DIRAS2: variants seen among roughly 807,000 people sequenced by gnomAD.
DIRAS2 encodes DIRAS family GTPase 2, also known as GTP-binding protein Di-Ras2.
Under a neutral mutation model 13.9 loss-of-function variants are expected in DIRAS2, and 5 were observed. The observed-to-expected ratio is 0.36, with a 90% CI of 0.19 to 0.76. The LOEUF is 0.76. Among genes scored for constraint, DIRAS2 ranks in the 30% least tolerant of loss-of-function variants. The pLI is 0.53. For missense variants in DIRAS2, 191 were observed against 263.0 expected (o/e 0.73, Z 1.89); for synonymous variants, 111 against 105.4 (o/e 1.05, Z -0.33).
chr9:90,628,476 A>G (rs1825292196), intron 1 of DIRAS2, among the ~76,000 whole-genome samples: 1 of 152,052 alleles, frequency 6.6e-6, no homozygotes, highest in Non-Finnish European at 1.5e-5. Context: ...TCCTGTGAGA[A>G]TGTAAAACTG....
chr9:90,617,951 C>T (rs908692887), intron 1 of DIRAS2, among the ~76,000 whole-genome samples: 2 of 152,120 alleles, frequency 1.3e-5, no homozygotes. Flanking sequence ...CACCCCATGT[C>T]ATGTATCAGA....
At chr9:90,614,385 G>T (rs889382941) in intron 1 of DIRAS2, among the ~76,000 whole-genome samples, 21 of 151,422 alleles carry the variant, frequency 1.4e-4, no homozygotes, top group African/African-American at 4.9e-4. Flanking sequence ...ATGAATGAGG[G>T]AAAAGGATGT....
At chr9:90,638,970 A>T (rs888679418) in intron 1 of DIRAS2, among the ~76,000 whole-genome samples, 2 of 152,138 alleles carry the variant, frequency 1.3e-5, no homozygotes, top group Non-Finnish European at 2.9e-5. Context: ...TGATTATCTA[A>T]AGATGGTAAA....
chr9:90,642,068 A>G (rs1825423583), intron 1 of DIRAS2, among the ~76,000 whole-genome samples: 1 of 152,266 alleles, frequency 6.6e-6, no homozygotes, highest in Non-Finnish European at 1.5e-5. Context: ...GCATTTTTCA[A>G]GAGAGAAGGA....
intron 1 of DIRAS2, among the ~76,000 whole-genome samples, chr9:90,632,909 C>T (rs115118107): frequency 6.6e-6 from 1 of 152,228 alleles, no homozygotes; most frequent in African/African-American, 2.4e-5. Context: ...TAGTGCAGAA[C>T]ATGCGGCTAT....
chr9:90,620,794 C>A (rs1825213041), intron 1 of DIRAS2, among the ~76,000 whole-genome samples: 2 of 151,806 alleles, frequency 1.3e-5, no homozygotes, highest in African/African-American at 4.8e-5. Context: ...AAAAATGATA[C>A]ATGCAACAAC....
At chr9:90,617,939 AG>A in intron 1 of DIRAS2, among the ~76,000 whole-genome samples, 1 of 152,328 alleles carries the variant, frequency 6.6e-6, no homozygotes, top group African/African-American at 2.4e-5. Context: ...TAAATGGAAA[AG>A]CACCCCATGT....
intron 1 of DIRAS2, among the ~76,000 whole-genome samples, chr9:90,628,050 T>A (rs1825288753): frequency 6.8e-6 from 1 of 147,154 alleles, no homozygotes; most frequent in Non-Finnish European, 1.5e-5. Flanking sequence ...GAAAAAAAAA[T>A]AGCAAAGGTC....
chr9:90,618,867 A>C (rs1825193351), intron 1 of DIRAS2, among the ~76,000 whole-genome samples: 1 of 152,204 alleles, frequency 6.6e-6, no homozygotes, highest in Non-Finnish European at 1.5e-5. Flanking sequence ...GGAAGTGCAA[A>C]TCAAAACTAT....
At chr9:90,641,134 C>T (rs962764927) in intron 1 of DIRAS2, among the ~76,000 whole-genome samples, 1 of 152,192 alleles carries the variant, frequency 6.6e-6, no homozygotes, top group East Asian at 1.9e-4. Flanking sequence ...CTCCACTCTT[C>T]TCATGAGGAA....
intron 1 of DIRAS2, among the ~76,000 whole-genome samples, chr9:90,619,252 C>T (rs1008828534): frequency 1.3e-5 from 2 of 152,004 alleles, no homozygotes; most frequent in Non-Finnish European, 2.9e-5. Flanking sequence ...CCAGCCTGGC[C>T]AACATGGTGA....
At chr9:90,620,401 A>C (rs769651592) in intron 1 of DIRAS2, among the ~76,000 whole-genome samples, 4 of 152,226 alleles carry the variant, frequency 2.6e-5, no homozygotes, top group Non-Finnish European at 4.4e-5. Flanking sequence ...AAGATGAACA[A>C]ACCCTGAAAT....
At chr9:90,631,554 G>A (rs1000806510) in intron 1 of DIRAS2, among the ~76,000 whole-genome samples, 7 of 152,136 alleles carry the variant, frequency 4.6e-5, no homozygotes, top group Admixed American at 4.6e-4. Flanking sequence ...GCCAAGGGTG[G>A]CTTGTACCAG....
At position 90,622,732 on chromosome 9, in the gene DIRAS2, G is replaced by A. The variant is rs546614024; in HGVS notation, c.-36-8869C>T. Among the ~76,000 whole-genome samples the A allele has an allele frequency of 5.9e-5, 9 of 152,150 alleles. No individual in the cohort carries two copies. The South Asian group carries it at 1.9e-3, about 31-fold the overall frequency. Reference sequence around the variant, plus strand: ...AAGCCAGTATGATTATCTTTCCTTTGTAAGAAATTTGTGTTTTTCCTTTCT... The same window carrying A: ...AAGCCAGTATGATTATCTTTCCTTTATAAGAAATTTGTGTTTTTCCTTTCT... On this transcript the variant is annotated intron_variant, in intron 1 of 1. Coordinates refer to ENST00000375765, the MANE Select transcript of DIRAS2 (RefSeq NM_017594.5).
At chr9:90,623,183 T>A (rs1825235623) in intron 1 of DIRAS2, among the ~76,000 whole-genome samples, 1 of 152,228 alleles carries the variant, frequency 6.6e-6, no homozygotes. Flanking sequence ...TTAATCCTTT[T>A]TTTTCATCTG....
chr9:90,642,103 G>A (rs1009695966), intron 1 of DIRAS2, among the ~76,000 whole-genome samples: 2 of 152,264 alleles, frequency 1.3e-5, no homozygotes, highest in Non-Finnish European at 2.9e-5. Context: ...CACAACGCCA[G>A]AAGCCAGCAC....
chr9:90,619,750 A>C (rs1417470578), intron 1 of DIRAS2, among the ~76,000 whole-genome samples: 1 of 152,248 alleles, frequency 6.6e-6, no homozygotes, highest in Non-Finnish European at 1.5e-5. Flanking sequence ...ATACAATGAT[A>C]CTCATAGCAA....
At position 90,610,410 on chromosome 9, in the gene DIRAS2, A is replaced by G. The variant is rs41281910; in HGVS notation, c.*2818T>C. 0.058 allele frequency: 23,150 copies of G among 398,930 alleles called. 801 individuals carry two copies. Among genetic ancestry groups the G allele is most frequent in the Admixed American group, 0.081 (1,833 of 22,724 alleles). 24.7% of individuals were successfully genotyped at this position (398,930 alleles called of 1,614,324 possible). A position where few individuals can be genotyped will look rare whatever the true frequency, so the allele number is the denominator to read the frequency against. ...GTGTTGGTCTTGCTGCATTGTATGC[A>G]TGCCCATGGCTTGTCGCTGGATGGA... On this transcript the variant is annotated 3_prime_UTR_variant, in exon 2 of 2. Coordinates refer to ENST00000375765, the MANE Select transcript of DIRAS2 (RefSeq NM_017594.5).
chr9:90,618,305 A>G (rs1825188671), intron 1 of DIRAS2, among the ~76,000 whole-genome samples: 1 of 152,204 alleles, frequency 6.6e-6, no homozygotes, highest in Non-Finnish European at 1.5e-5. Context: ...GGGTGTCAAT[A>G]AAATTCAATT....
Sources: allele counts gnomAD v4.1 joint callset (sites outside exome capture counted in the v4.1 genomes callset), GRCh38; gene constraint gnomAD v4.1.1; transcripts MANE v1.5; gene names NCBI Gene and HGNC (gene_info 2026-07-23, HGNC 2026-07-21).